KLF13: variants seen among roughly 807,000 people sequenced by gnomAD.
The protein encoded by KLF13 is Krueppel-like factor 13.
KLF13 carries 8 observed loss-of-function variants against 16.7 expected under a neutral mutation model. The ratio of observed to expected loss-of-function variants is 0.48; its 90% CI spans 0.28 to 0.87. The LOEUF is 0.87. Among genes scored for constraint, KLF13 ranks in the 40% least tolerant of loss-of-function variants. KLF13 has a pLI of 0.10. For missense variants in KLF13, 447 were observed against 452.2 expected (o/e 0.99, Z 0.10); for synonymous variants, 245 against 208.4 (o/e 1.18, Z -1.51).
chr15:31,327,113 G>GGCCC lies in KLF13; in HGVS notation c.-100_-99insGCCC. On this transcript the variant is annotated 5_prime_UTR_variant, in exon 1 of 2. Transcript: ENST00000307145. ...CCAGCCCAGCCCGAGGAGAGGGCGC[G>GGCCC]CCGCGCCCCCGCCCCCCGCCCGCTC... The GGCCC allele has an allele frequency of 1.1e-6, 1 of 951,534 alleles. No individual in the cohort carries two copies. The highest frequency in any genetic ancestry group is 1.3e-6 in the Non-Finnish European group (1 of 764,608). The allele number at this position is 951,534 out of a possible 1,614,324, so 58.9% of individuals were successfully genotyped here. A position where few individuals can be genotyped will look rare whatever the true frequency, so the allele number is the denominator to read the frequency against.
intron 1 of KLF13, among the ~76,000 whole-genome samples, chr15:31,331,948 A>G (rs1159204125): frequency 6.6e-6 from 1 of 152,236 alleles, no homozygotes; most frequent in Non-Finnish European, 1.5e-5. Flanking sequence ...TAAATGAGGC[A>G]TCTTCATTCT....
rs576027544 is a variant in KLF13, at chr15:31,364,405, AGT to A, written c.578-7599_578-7598del. On this transcript the variant is annotated intron_variant, in intron 1 of 1. Coordinates refer to ENST00000307145, the MANE Select transcript of KLF13 (RefSeq NM_015995.4). ...CTCTTGCATGTGAAGAGTGGATAGT[AGT>A]GTGTGATCAGCGGCACTAGACCAGA... is the stretch of plus-strand genomic sequence containing the variant. Among the ~76,000 whole-genome samples the A allele has an allele frequency of 1.1e-3, 165 of 152,328 alleles. 1 individual carries two copies. Among genetic ancestry groups the A allele is most frequent in the African/African-American group, 3.6e-3 (149 of 41,574 alleles).
chr15:31,420,087 C>A, intron 1 of KLF13: 3 of 373,348 alleles, frequency 8.0e-6, no homozygotes, highest in Non-Finnish European at 1.5e-5. Context: ...ATATTATAAC[C>A]AACAAAACTG....
intron 1 of KLF13, among the ~76,000 whole-genome samples, chr15:31,368,742 G>A (rs902655255): frequency 6.6e-6 from 1 of 152,078 alleles, no homozygotes; most frequent in Non-Finnish European, 1.5e-5. Context: ...ATCCCAGCTA[G>A]TCGAGAGGCT....
intron 1 of KLF13, among the ~76,000 whole-genome samples, chr15:31,432,538 T>G (rs1158374747): frequency 1.3e-5 from 2 of 151,490 alleles, no homozygotes; most frequent in African/African-American, 4.9e-5. Flanking sequence ...AGCCTCAGTC[T>G]CCTGGGCTCA....
intron 1 of KLF13, among the ~76,000 whole-genome samples, chr15:31,333,250 T>C (rs1227545171): frequency 6.6e-6 from 1 of 152,182 alleles, no homozygotes; most frequent in Non-Finnish European, 1.5e-5. Flanking sequence ...TTAGGAATCA[T>C]GCCCAAGGTC....
downstream of KLF13, among the ~76,000 whole-genome samples, chr15:31,378,183 G>A (rs1195329519): frequency 6.6e-6 from 1 of 152,168 alleles, no homozygotes; most frequent in Non-Finnish European, 1.5e-5. Context: ...ATGTGGTGAT[G>A]GCAGATTCCC....
In KLF13 at chr15:31,424,782, A is replaced by G. The variant is rs79561667; in HGVS notation, n.118-10588A>G. ...ATGGAAGTTCAGCTAGAGGAATTAGACAAGAAGAAAGAAACTAAAGGCATC... is the reference window on the plus strand; with the variant it reads ...ATGGAAGTTCAGCTAGAGGAATTAGGCAAGAAGAAAGAAACTAAAGGCATC... On this transcript the variant is annotated intron_variant and non_coding_transcript_variant, in intron 1 of 1. Transcript: ENST00000558225. 1.6e-3 allele frequency among the ~76,000 whole-genome samples: 241 copies of G among 152,202 alleles called. 3 individuals carry two copies. The highest frequency in any genetic ancestry group is 5.7e-3 in the African/African-American group (238 of 41,532).
chr15:31,392,411 A>G (rs1009665342), upstream of KLF13, among the ~76,000 whole-genome samples: 1 of 152,054 alleles, frequency 6.6e-6, no homozygotes, highest in African/African-American at 2.4e-5. Context: ...GGCGGTGCTG[A>G]GCCTCGAGCC....
chr15:31,361,173 C>A (rs895086034), intron 1 of KLF13, among the ~76,000 whole-genome samples: 7 of 152,124 alleles, frequency 4.6e-5, no homozygotes, highest in Admixed American at 4.6e-4. Flanking sequence ...AGCAGGGGCC[C>A]CTGGGTGCAG....
In KLF13 at chr15:31,376,107, C is replaced by T. The variant is rs2039641259; in HGVS notation, c.*3808C>T. The T allele has an allele frequency of 6.5e-6, 1 of 152,706 alleles. No individual in the cohort carries two copies. Among genetic ancestry groups the T allele is most frequent in the Non-Finnish European group, 1.5e-5 (1 of 68,108 alleles). 9.5% of individuals were successfully genotyped at this position (152,706 alleles called of 1,614,324 possible). ...CTTGACCTCAAGTGTTCTGTCTCCC[C>T]ACCCGGTGTGTCCAGAAGACCAGCC... On this transcript the variant is annotated 3_prime_UTR_variant, in exon 2 of 2. Coordinates refer to ENST00000307145, the MANE Select transcript of KLF13 (RefSeq NM_015995.4).
intron 1 of KLF13, among the ~76,000 whole-genome samples, chr15:31,347,994 T>C (rs1180198900): frequency 2.0e-5 from 3 of 152,214 alleles, no homozygotes; most frequent in Admixed American, 1.3e-4. Context: ...AGCCTGGCCT[T>C]CTTGGCCACT....
Position 31,419,632 on chromosome 15 carries a change from G to C in KLF13, n.118-15738G>C, listed in dbSNP as rs544942046. 3.3e-5 allele frequency among the ~76,000 whole-genome samples: 5 copies of C among 152,246 alleles called. No homozygotes were observed. In the South Asian group the frequency reaches 1.0e-3, roughly 32 times the overall value. ...AATGATCAAGTCACAGGAACAAAAA[G>C]AATAAAGGATTAGTAAAAGTGAAGA... On this transcript the variant is annotated intron_variant and non_coding_transcript_variant, in intron 1 of 1. Coordinates refer to the KLF13 transcript ENST00000558225.
At chr15:31,390,953 A>T, upstream of KLF13, among the ~76,000 whole-genome samples, 1 of 151,524 alleles carries the variant, frequency 6.6e-6, no homozygotes. Context: ...CCCTGTCCCC[A>T]AACAGTGTTC....
intron 1 of KLF13, among the ~76,000 whole-genome samples, chr15:31,334,794 G>A (rs1206939709): frequency 7.9e-5 from 12 of 152,286 alleles, no homozygotes; most frequent in Admixed American, 7.2e-4. Flanking sequence ...GTCGAGATGG[G>A]AATAAACTTT....
intron 1 of KLF13, among the ~76,000 whole-genome samples, chr15:31,414,827 A>T (rs1226717021): frequency 1.3e-5 from 2 of 152,302 alleles, no homozygotes; most frequent in East Asian, 3.9e-4. Context: ...GACTTGAATG[A>T]CACTATAAAC....
At chr15:31,400,655 G>A (rs1360848095) in intron 2 of KLF13, among the ~76,000 whole-genome samples, 1 of 151,848 alleles carries the variant, frequency 6.6e-6, no homozygotes, top group Non-Finnish European at 1.5e-5. Context: ...GGGGTGGCAG[G>A]CCCCAACTTG....
In KLF13 at chr15:31,374,006, C is replaced by T. The variant is rs900474365; in HGVS notation, c.*1707C>T. The T allele has an allele frequency of 6.6e-5, 10 of 152,664 alleles. No homozygotes were observed. Among genetic ancestry groups the T allele is most frequent in the African/African-American group, 2.4e-4 (10 of 41,448 alleles). 9.5% of individuals were successfully genotyped at this position (152,664 alleles called of 1,614,324 possible). On this transcript the variant is annotated 3_prime_UTR_variant, in exon 2 of 2. Transcript: ENST00000307145. Reference sequence around the variant, plus strand: ...GGGACCTCAGAGGGCCACAGATGGGCTTCCTGGGCCTAGCGTGCCTTGGTT... The same window carrying T: ...GGGACCTCAGAGGGCCACAGATGGGTTTCCTGGGCCTAGCGTGCCTTGGTT...
At chr15:31,430,310 A>G (rs577534093) in intron 1 of KLF13, among the ~76,000 whole-genome samples, 1 of 152,316 alleles carries the variant, frequency 6.6e-6, no homozygotes, top group Admixed American at 6.5e-5. Context: ...GAGAACAATG[A>G]GTAAAAGGGG....
Sources: allele counts gnomAD v4.1 joint callset (sites outside exome capture counted in the v4.1 genomes callset), GRCh38; gene constraint gnomAD v4.1.1; transcripts MANE v1.5; gene names NCBI Gene and HGNC (gene_info 2026-07-23, HGNC 2026-07-21).